Variants in FREM2 observed in about 807,000 individuals in gnomAD.
FREM2 encodes the protein FRAS1 related extracellular matrix 2, also known as FRAS1-related extracellular matrix protein 2.
In FREM2, 119 loss-of-function variants were observed where a neutral mutation model predicts 219.9. The observed-to-expected ratio is 0.54, with a 90% CI of 0.47 to 0.63. The LOEUF is 0.63. FREM2 is among the 30% of genes least tolerant of loss of function. The pLI is 0.00. For synonymous variants in FREM2, 1,562 were observed against 1,522.8 expected, an observed-to-expected ratio of 1.03 and a Z score of -0.60; for missense variants, 4,030 against 3,993.6, an observed-to-expected ratio of 1.01 and a Z score of -0.25.
chr13:38,730,179 C>T (rs750700526), intron 2 of FREM2, among the ~76,000 whole-genome samples: 1 of 152,162 alleles, frequency 6.6e-6, no homozygotes, highest in African/African-American at 2.4e-5. Flanking sequence ...CAGCGTGAAG[C>T]GGCCTTTGCT....
intron 2 of FREM2, among the ~76,000 whole-genome samples, chr13:38,700,721 T>G (rs1031089961): frequency 2.6e-5 from 4 of 152,004 alleles, no homozygotes; most frequent in South Asian, 2.1e-4. Context: ...GCTTTCAATC[T>G]CAAATTCTTT....
intron 16 of FREM2, among the ~76,000 whole-genome samples, chr13:38,869,279 T>C (rs6563645): frequency 0.74 from 111,905 of 152,106 alleles, 41,571 homozygotes; most frequent in East Asian, 0.84. Flanking sequence ...CCTCCCAATT[T>C]CGATTATTTA....
At chr13:38,754,727 C>A (rs1264251047) in intron 2 of FREM2, among the ~76,000 whole-genome samples, 1 of 151,986 alleles carries the variant, frequency 6.6e-6, no homozygotes, top group Admixed American at 6.6e-5. Flanking sequence ...TGAATTCAGC[C>A]AGTTTATACC....
intron 6 of FREM2, among the ~76,000 whole-genome samples, chr13:38,819,344 C>A (rs916350447): frequency 6.6e-6 from 1 of 152,150 alleles, no homozygotes; most frequent in Non-Finnish European, 1.5e-5. Context: ...AAAAACATTT[C>A]ACCACCATTA....
chr13:38,843,454 T>C (rs1846209470), intron 6 of FREM2, among the ~76,000 whole-genome samples: 1 of 147,262 alleles, frequency 6.8e-6, no homozygotes, highest in African/African-American at 2.5e-5. Context: ...AAAAAAAAAG[T>C]TTACCAAAGA....
Position 38,689,168 on chromosome 13 carries a change from G to A in FREM2, c.1824G>A (p.Gly608=), listed in dbSNP as rs762144113. Residue 608 remains glycine (G), a synonymous_variant, in exon 1 of 24, where the codon GGG becomes GGA. Coordinates refer to ENST00000280481, the MANE Select transcript of FREM2 (RefSeq NM_207361.6). The part of the protein sequence containing the change: ...FVLESPFLTT[G]HLLLRQTHPP... ...TGGAGTCACCCTTCTTAACTACGGG[G>A]CATCTGCTTCTCCGCCAAACTCACC... The A allele has an allele frequency of 3.3e-5, 53 of 1,613,992 alleles. No individual in the cohort carries two copies. Among genetic ancestry groups the A allele is most frequent in the Non-Finnish European group, 4.0e-5 (47 of 1,180,034 alleles).
intron 2 of FREM2, among the ~76,000 whole-genome samples, chr13:38,730,357 G>A (rs1447899184): frequency 2.0e-5 from 3 of 152,142 alleles, no homozygotes; most frequent in Non-Finnish European, 4.4e-5. Flanking sequence ...ATCATTCAGT[G>A]GTAAAAAATG....
At chr13:38,777,356 C>G (rs1873914297) in intron 4 of FREM2, among the ~76,000 whole-genome samples, 1 of 152,008 alleles carries the variant, frequency 6.6e-6, no homozygotes, top group Non-Finnish European at 1.5e-5. Flanking sequence ...AGTGATGCTC[C>G]CACTCCTGGC....
chr13:38,769,468 G>A, intron 3 of FREM2, 110 bp from the exon 4 acceptor site: 1 of 940,170 alleles, frequency 1.1e-6, no homozygotes, highest in Non-Finnish European at 1.7e-6. Context: ...GGTCAAAGCA[G>A]GATCAACTTT....
In FREM2 at chr13:38,881,037, T is replaced by C; in HGVS notation, c.*250T>C. 2 of 556,232 alleles carry C rather than the reference T, an allele frequency of 3.6e-6. No homozygotes were observed. Among genetic ancestry groups the C allele is most frequent in the Non-Finnish European group, 6.5e-6 (2 of 308,500 alleles). 34.5% of individuals were successfully genotyped at this position (556,232 alleles called of 1,614,324 possible). A position where few individuals can be genotyped will look rare whatever the true frequency, so the allele number is the denominator to read the frequency against. On this transcript the variant is annotated 3_prime_UTR_variant, in exon 24 of 24. Transcript: ENST00000280481. ...TACTCATATGTACACAGAGCCATGA[T>C]GTGAGGAATGTACTCCTCATTTTAG... is the stretch of plus-strand genomic sequence containing the variant.
At chr13:38,717,341 C>T (rs959275331) in intron 2 of FREM2, among the ~76,000 whole-genome samples, 5 of 151,204 alleles carry the variant, frequency 3.3e-5, no homozygotes, top group Admixed American at 6.6e-5. Context: ...TGTGGAACCA[C>T]CAAGATATGC....
In FREM2 at chr13:38,883,976, C is replaced by A. The variant is rs1372575448; in HGVS notation, c.*3189C>A. The A allele has an allele frequency of 1.3e-5, 2 of 152,156 alleles. No individual in the cohort carries two copies. The highest frequency in any genetic ancestry group is 4.8e-5 in the African/African-American group (2 of 41,422). The allele number at this position is 152,156 out of a possible 1,614,324, so 9.4% of individuals were successfully genotyped here. On this transcript the variant is annotated 3_prime_UTR_variant, in exon 24 of 24. Coordinates refer to ENST00000280481, the MANE Select transcript of FREM2 (RefSeq NM_207361.6). The stretch of plus-strand genomic sequence containing the variant: ...AGAGCTGTGGGTGGGACTGCACATT[C>A]TTTTCCTCTTAGTAAAAGATAGGCC...
At chr13:38,693,085 A>T (rs1869963433) in intron 1 of FREM2, among the ~76,000 whole-genome samples, 1 of 152,200 alleles carries the variant, frequency 6.6e-6, no homozygotes, top group East Asian at 1.9e-4. Context: ...TAAAATTGTT[A>T]ATAATATTTC....
intron 16 of FREM2, among the ~76,000 whole-genome samples, chr13:38,866,790 C>T (rs746850138): frequency 2.6e-5 from 4 of 152,104 alleles, no homozygotes; most frequent in Non-Finnish European, 5.9e-5. Flanking sequence ...AGCACTTCTC[C>T]GTCTTTTGTC....
In FREM2 at chr13:38,707,234, A is replaced by G. The variant is rs186894929; in HGVS notation, c.5263+9447A>G. Among the ~76,000 whole-genome samples, 18 of 152,324 alleles carry G rather than the reference A, an allele frequency of 1.2e-4. 1 individual carries two copies. The highest frequency in any genetic ancestry group is 2.5e-4 in the Non-Finnish European group (17 of 68,034). On this transcript the variant is annotated intron_variant, in intron 2 of 23. Transcript: ENST00000280481. Reference sequence around the variant, plus strand: ...TAGAATTCTTACATTTTTAGGAGAGAAGTTTCTAGAATGAATTATTCAGTT... The same window carrying G: ...TAGAATTCTTACATTTTTAGGAGAGGAGTTTCTAGAATGAATTATTCAGTT...
At chr13:38,734,850 G>A (rs960140980) in intron 2 of FREM2, among the ~76,000 whole-genome samples, 22 of 139,170 alleles carry the variant, frequency 1.6e-4, no homozygotes, top group Admixed American at 9.6e-4. Flanking sequence ...AGGTTTAACC[G>A]ATTCTCCTGC....
intron 2 of FREM2, among the ~76,000 whole-genome samples, chr13:38,752,607 TA>T (rs1237621994): frequency 6.6e-6 from 1 of 152,126 alleles, no homozygotes; most frequent in African/African-American, 2.4e-5. Context: ...CAAGTCAGAT[TA>T]AAAAAATGTT....
Position 38,885,581 on chromosome 13 carries a change from T to C in FREM2, c.*4794T>C, listed in dbSNP as rs1194493960. The C allele has an allele frequency of 6.6e-6, 1 of 152,186 alleles. No individual in the cohort carries two copies. The highest frequency in any genetic ancestry group is 1.5e-5 in the Non-Finnish European group (1 of 68,014). The allele number at this position is 152,186 out of a possible 1,614,324, so 9.4% of individuals were successfully genotyped here. A position where few individuals can be genotyped will look rare whatever the true frequency, so the allele number is the denominator to read the frequency against. ...TCTTCCAATAATGCTCTCTTTTTCA[T>C]TTCAAAACCATTACCACTTTCAATA... On this transcript the variant is annotated 3_prime_UTR_variant, in exon 24 of 24. Transcript: ENST00000280481.
intron 17 of FREM2, 102 bp from the exon 18 acceptor site, chr13:38,874,380 G>A: frequency 1.1e-6 from 1 of 881,028 alleles, no homozygotes; most frequent in Admixed American, 1.8e-5. Context: ...TGCCCAGAAT[G>A]TTTAAAGACA....
Sources: allele counts gnomAD v4.1 joint callset (sites outside exome capture counted in the v4.1 genomes callset), GRCh38; gene constraint gnomAD v4.1.1; transcripts MANE v1.5; gene names NCBI Gene and HGNC (gene_info 2026-07-23, HGNC 2026-07-21).